DOCK3: variants seen among roughly 807,000 people sequenced by gnomAD.
The protein encoded by DOCK3 is dedicator of cytokinesis 3, also known as dedicator of cytokinesis protein 3.
DOCK3 carries 60 observed loss-of-function variants against 265.6 expected under a neutral mutation model. The ratio of observed to expected loss-of-function variants is 0.23; its 90% CI spans 0.18 to 0.28. DOCK3 has a LOEUF of 0.28. Ranked by LOEUF, DOCK3 falls within the 10% of genes least tolerant of loss-of-function variation. The pLI is 1.00. For synonymous variants in DOCK3, 881 were observed against 938.0 expected (o/e 0.94, Z 1.11); for missense variants, 1,981 against 2,594.3 (o/e 0.76, Z 5.14).
At chr3:50,967,593 TCA>T (rs1276197918) in intron 5 of DOCK3, among the ~76,000 whole-genome samples, 1 of 152,192 alleles carries the variant, frequency 6.6e-6, no homozygotes, top group Non-Finnish European at 1.5e-5. Context: ...TTTAATTGAC[TCA>T]CAGTTTCGCA....
At chr3:50,787,098 G>T in intron 2 of DOCK3, 1 of 717,728 alleles carries the variant, frequency 1.4e-6, no homozygotes, top group South Asian at 1.4e-5. Context: ...TTTCTTGAAC[G>T]ATTTATTACA....
intron 5 of DOCK3, among the ~76,000 whole-genome samples, chr3:50,998,506 A>G (rs566693622): frequency 1.3e-5 from 2 of 152,298 alleles, no homozygotes; most frequent in East Asian, 1.9e-4. Flanking sequence ...GGGAGACAAT[A>G]AAAAGAAGGT....
chr3:50,920,252 G>A (rs575418511), intron 4 of DOCK3, among the ~76,000 whole-genome samples: 1 of 152,266 alleles, frequency 6.6e-6, no homozygotes, highest in South Asian at 2.1e-4. Context: ...TCAGGATGAT[G>A]CTGGCCTCAT....
intron 5 of DOCK3, among the ~76,000 whole-genome samples, chr3:50,946,954 A>G (rs983419505): frequency 1.1e-4 from 17 of 152,202 alleles, no homozygotes; most frequent in African/African-American, 4.1e-4. Context: ...TAAAAATCCT[A>G]TTTAACTTCT....
intron 23 of DOCK3, among the ~76,000 whole-genome samples, chr3:51,266,489 G>T (rs149571114): frequency 4.6e-5 from 7 of 152,098 alleles, no homozygotes; most frequent in East Asian, 1.9e-4. Flanking sequence ...ATATATAGAC[G>T]AATGGAACAG....
At chr3:51,228,303 C>T (rs1252800014) in intron 17 of DOCK3, among the ~76,000 whole-genome samples, 1 of 152,218 alleles carries the variant, frequency 6.6e-6, no homozygotes, top group Non-Finnish European at 1.5e-5. Context: ...TTGTTTTCTA[C>T]TTCTCACTTC....
chr3:50,887,786 C>G (rs1028543320), intron 3 of DOCK3, among the ~76,000 whole-genome samples: 1 of 144,758 alleles, frequency 6.9e-6, no homozygotes, highest in African/African-American at 2.6e-5. Flanking sequence ...TCAATAGATG[C>G]AGAAAAGGTC....
chr3:51,201,578 C>T (rs1576394424), intron 12 of DOCK3, among the ~76,000 whole-genome samples: 2 of 152,262 alleles, frequency 1.3e-5, no homozygotes, highest in East Asian at 1.9e-4. Context: ...TAATGGGAGA[C>T]TTTAACAGCC....
At chr3:51,123,976 C>G (rs948004652) in intron 9 of DOCK3, among the ~76,000 whole-genome samples, 1 of 152,078 alleles carries the variant, frequency 6.6e-6, no homozygotes, top group Non-Finnish European at 1.5e-5. Flanking sequence ...GAATTTTGGC[C>G]CACCATGAGC....
intron 1 of DOCK3, among the ~76,000 whole-genome samples, chr3:50,739,149 G>T (rs779975549): frequency 6.6e-6 from 1 of 152,054 alleles, no homozygotes; most frequent in African/African-American, 2.4e-5. Flanking sequence ...CACATCTCTT[G>T]CAAGTTTTTG....
At chr3:51,274,361 G>C (rs1348277390) in intron 24 of DOCK3, among the ~76,000 whole-genome samples, 2 of 152,170 alleles carry the variant, frequency 1.3e-5, no homozygotes. Flanking sequence ...GGCATAAAGA[G>C]GGACAATCTA....
intron 3 of DOCK3, chr3:50,876,913 A>T (rs1387838971): frequency 6.4e-6 from 1 of 155,344 alleles, no homozygotes; most frequent in African/African-American, 2.4e-5. Context: ...GCCCAACACA[A>T]ATTTGTAAAT....
At chr3:51,084,546 A>G (rs2082354234) in intron 7 of DOCK3, among the ~76,000 whole-genome samples, 1 of 152,190 alleles carries the variant, frequency 6.6e-6, no homozygotes, top group Non-Finnish European at 1.5e-5. Context: ...TAGACAAGCA[A>G]AAACTGAGGG....
intron 1 of DOCK3, among the ~76,000 whole-genome samples, chr3:50,767,890 G>A (rs1205452956): frequency 2.5e-5 from 3 of 121,508 alleles, no homozygotes; most frequent in Middle Eastern, 4.0e-3. Context: ...AGTTGTGAAT[G>A]GGAGTTCACT....
intron 9 of DOCK3, among the ~76,000 whole-genome samples, chr3:51,118,330 G>C (rs4589968): frequency 0.9 from 137,223 of 152,266 alleles, 62,027 homozygotes; most frequent in African/African-American, 0.95. Flanking sequence ...ATACTGTTTG[G>C]CATGATTTCC....
intron 5 of DOCK3, among the ~76,000 whole-genome samples, chr3:51,016,881 A>ATATATATAAATATATATGATATATGTT (rs2079351249): frequency 1.6e-5 from 1 of 62,686 alleles, no homozygotes; most frequent in Non-Finnish European, 3.8e-5. Flanking sequence ...ATATATGTTT[A>ATATATATAAATATATATGATATATGTT]TATATATAAA....
rs1475527537 is a variant in DOCK3, at chr3:51,360,594, C to T, written c.4968C>T (p.Pro1656=). The T allele has an allele frequency of 1.2e-6, 2 of 1,613,862 alleles. No homozygotes were observed. The highest frequency in any genetic ancestry group is 1.1e-5 in the South Asian group (1 of 91,012). The change falls in exon 47 of 53, where the codon CCC becomes CCT. Residue 1656 remains proline (P), a synonymous_variant. Transcript: ENST00000266037. ...PRGNVLASHS[P]MSPESIKMTH... ...GAAATGTTCTGGCATCCCATAGCCC[C>T]ATGAGTCCGGAGAGCATCAAGATGA...
chr3:50,888,094 T>A (rs1420658308), intron 3 of DOCK3, among the ~76,000 whole-genome samples: 2 of 152,158 alleles, frequency 1.3e-5, no homozygotes, highest in African/African-American at 4.8e-5. Flanking sequence ...ATGACATGAT[T>A]GTATATCTAG....
intron 2 of DOCK3, among the ~76,000 whole-genome samples, chr3:50,834,029 C>G (rs2045356620): frequency 6.6e-6 from 1 of 151,918 alleles, no homozygotes; most frequent in South Asian, 2.1e-4. Context: ...TAAGCAAAGT[C>G]AAAAAGATTA....
Sources: allele counts gnomAD v4.1 joint callset (sites outside exome capture counted in the v4.1 genomes callset), GRCh38; gene constraint gnomAD v4.1.1; transcripts MANE v1.5; gene names NCBI Gene and HGNC (gene_info 2026-07-23, HGNC 2026-07-21).